Variants in HELB observed in about 807,000 individuals in gnomAD.
The protein encoded by HELB is DNA helicase B, also known as DNA 5'-3' helicase B.
Under a neutral mutation model 101.7 loss-of-function variants are expected in HELB, and 96 were observed. That is an observed-to-expected ratio of 0.94 (90% CI 0.80 to 1.12). The LOEUF is 1.12. HELB is among the 50% of genes most tolerant of loss of function. The pLI is 0.00. For missense variants in HELB, 1,210 were observed against 1,291.9 expected (o/e 0.94, Z 0.97); for synonymous variants, 437 against 459.7 (o/e 0.95, Z 0.63).
chr12:66,332,150 G>T (rs1472023432), intron 12 of HELB, among the ~76,000 whole-genome samples: 1 of 152,070 alleles, frequency 6.6e-6, no homozygotes, highest in Non-Finnish European at 1.5e-5. Context: ...TGATTTTCTG[G>T]AACCACAGCC....
chr12:66,316,310 A>G (rs1041511445), intron 6 of HELB, among the ~76,000 whole-genome samples: 2 of 152,196 alleles, frequency 1.3e-5, no homozygotes, highest in Admixed American at 1.3e-4. Context: ...CCTATCATTA[A>G]TCGATGTGAC....
Position 66,315,364 on chromosome 12 carries a change from A to G in HELB, c.1981A>G (p.Ile661Val), listed in dbSNP as rs765360177. ...AAACCATAGAGCAGAATCTCAGCTC[A>G]TTGTGGACAATGCTACAAGGTATAA... Reference protein sequence around the residue: ...KTNHRAESQLIVDNATRISRR... With the variant: ...KTNHRAESQLVVDNATRISRR... Residue 661 changes from isoleucine (I) to valine (V), a missense_variant, in exon 6 of 13, where the codon ATT becomes GTT. By Grantham distance (29) the Ile-to-Val change is conservative (BLOSUM62 3). Coordinates refer to ENST00000247815, the MANE Select transcript of HELB (RefSeq NM_001370285.1). The G allele has an allele frequency of 9.4e-6, 15 of 1,597,848 alleles. No individual in the cohort carries two copies. The highest frequency in any genetic ancestry group is 1.8e-4 in the Middle Eastern group (1 of 5,662).
chr12:66,343,381 C>G (rs2053931325), intron 13 of HELB: 1 of 152,280 alleles, frequency 6.6e-6, no homozygotes, highest in Non-Finnish European at 1.5e-5. Context: ...TTTAACCACC[C>G]CACCTCAACC....
chr12:66,315,771 A>G (rs2053597631), intron 6 of HELB, among the ~76,000 whole-genome samples: 1 of 152,184 alleles, frequency 6.6e-6, no homozygotes, highest in Non-Finnish European at 1.5e-5. Context: ...TGAAGGCAAA[A>G]TAATTGAATG....
chr12:66,328,926 A>G (rs535279083), intron 11 of HELB, among the ~76,000 whole-genome samples: 5 of 152,202 alleles, frequency 3.3e-5, no homozygotes, highest in African/African-American at 9.6e-5. Context: ...GACTTATTTT[A>G]TATTTGTATT....
At chr12:66,309,658 TA>T in intron 3 of HELB, 47 bp from the exon 4 acceptor site, 1 of 1,280,456 alleles carries the variant, frequency 7.8e-7, no homozygotes, top group Non-Finnish European at 1.1e-6. Flanking sequence ...AACATATTCA[TA>T]AACACTTATG....
At chr12:66,336,899 G>T (rs1261865206) in intron 12 of HELB, among the ~76,000 whole-genome samples, 3 of 152,178 alleles carry the variant, frequency 2.0e-5, no homozygotes, top group Non-Finnish European at 4.4e-5. Context: ...ATTGACTGAG[G>T]TTTAGTGGAT....
At chr12:66,311,533 A>G (rs2053545319) in intron 4 of HELB, among the ~76,000 whole-genome samples, 1 of 152,158 alleles carries the variant, frequency 6.6e-6, no homozygotes, top group South Asian at 2.1e-4. Flanking sequence ...TCCTGGTACA[A>G]TATCTGTTTC....
intron 6 of HELB, 56 bp from the exon 7 acceptor site, chr12:66,318,582 T>G: frequency 6.7e-7 from 1 of 1,495,994 alleles, no homozygotes; most frequent in Non-Finnish European, 9.0e-7. Flanking sequence ...TGATCATATA[T>G]GAAGACATTT....
In HELB at chr12:66,309,828, A is replaced by G; in HGVS notation, c.900A>G (p.Arg300=). 6.2e-7 allele frequency: 1 copy of G among 1,614,086 alleles called. No individual in the cohort carries two copies. The highest frequency in any genetic ancestry group is 2.2e-5 in the East Asian group (1 of 44,880). The change falls in exon 4 of 13, where the codon AGA becomes AGG. Residue 300 remains arginine, a synonymous_variant. Transcript: ENST00000247815. ...AGAATGCATTAATAATGTATTCCAG[A>G]CTGAAGCAGATATGTAGAGAAGATG... ...LEKNALIMYS[R]LKQICREDGH...
At chr12:66,311,357 G>T (rs2053543041) in intron 4 of HELB, among the ~76,000 whole-genome samples, 1 of 152,144 alleles carries the variant, frequency 6.6e-6, no homozygotes, top group Admixed American at 6.5e-5. Flanking sequence ...AGCTACTCAG[G>T]AGGCAGAGGT....
intron 3 of HELB, among the ~76,000 whole-genome samples, chr12:66,307,119 A>G (rs2053485941): frequency 6.6e-6 from 1 of 152,220 alleles, no homozygotes; most frequent in African/African-American, 2.4e-5. Context: ...GTTCTTGCTT[A>G]TAAGGTGGTT....
intron 4 of HELB, among the ~76,000 whole-genome samples, chr12:66,311,557 T>C (rs1258363899): frequency 6.6e-6 from 1 of 152,136 alleles, no homozygotes; most frequent in Admixed American, 6.5e-5. Flanking sequence ...TGGGGGCTGG[T>C]TACAAACATG....
intron 12 of HELB, among the ~76,000 whole-genome samples, chr12:66,334,730 G>C (rs567242160): frequency 6.6e-6 from 1 of 152,246 alleles, no homozygotes; most frequent in African/African-American, 2.4e-5. Context: ...AGTGAGCTGT[G>C]ATGGTGCCAC....
chr12:66,335,700 T>C (rs1353915245), intron 12 of HELB, among the ~76,000 whole-genome samples: 1 of 151,980 alleles, frequency 6.6e-6, no homozygotes, highest in African/African-American at 2.4e-5. Flanking sequence ...AGTCCTGACG[T>C]GGGTAAGATG....
chr12:66,314,118 A>T lies in HELB; in HGVS notation c.1813A>T (p.Asn605Tyr). 6.2e-7 allele frequency: 1 copy of T among 1,613,820 alleles called. No individual in the cohort carries two copies. Among genetic ancestry groups the T allele is most frequent in the Non-Finnish European group, 8.5e-7 (1 of 1,179,788 alleles). ...TGTAGGAATCTTCAAATCGGTCTTAAATTTATTGTGTGAGCACTCCAAACT... is the reference window on the plus strand; with the variant it reads ...TGTAGGAATCTTCAAATCGGTCTTATATTTATTGTGTGAGCACTCCAAACT... ...VSVGIFKSVL[N>Y]LLCEHSKLSK... The change falls in exon 5 of 13, where the codon AAT (asparagine) becomes TAT (tyrosine). Residue 605 changes from asparagine to tyrosine, a missense_variant. By Grantham distance (143) the Asn-to-Tyr change is moderately radical. Transcript: ENST00000247815.
At chr12:66,318,597 A>T (rs1439539689) in intron 6 of HELB, 41 bp from the exon 7 acceptor site, 1 of 1,543,394 alleles carries the variant, frequency 6.5e-7, no homozygotes, top group African/African-American at 1.4e-5. Context: ...ACATTTTTGG[A>T]TGATAATGTT....
At chr12:66,308,949 C>T (rs563882965) in intron 3 of HELB, among the ~76,000 whole-genome samples, 32 of 152,082 alleles carry the variant, frequency 2.1e-4, no homozygotes, top group Admixed American at 2.0e-3. Flanking sequence ...AAAATGGAGC[C>T]GATAGATGAC....
chr12:66,321,831 C>T, intron 7 of HELB, 117 bp from the exon 8 acceptor site: 1 of 579,840 alleles, frequency 1.7e-6, no homozygotes, highest in Non-Finnish European at 3.2e-6. Flanking sequence ...ACTTGTATTC[C>T]ATTTGGTGAG....
Sources: gnomAD v4.1 joint callset for allele counts (sites outside exome capture counted in the v4.1 genomes callset) on GRCh38, gnomAD v4.1.1 for gene constraint, MANE v1.5 for transcripts, NCBI Gene and HGNC (gene_info 2026-07-23, HGNC 2026-07-21) for gene names.